Variants in CFAP36 observed in about 807,000 individuals in gnomAD.
CFAP36 encodes cilia- and flagella-associated protein 36.
CFAP36 carries 37 observed loss-of-function variants against 50.5 expected under a neutral mutation model. That is an observed-to-expected ratio of 0.73 (90% CI 0.56 to 0.96). The LOEUF (loss-of-function observed/expected upper bound fraction) is 0.96, where lower values mean the gene tolerates loss of function less well. Among genes scored for constraint, CFAP36 ranks in the 50% least tolerant of loss-of-function variants. The probability of loss-of-function intolerance (pLI) is 0.00; values close to 1 mark genes in which losing one functional copy is unlikely to be tolerated. For synonymous variants in CFAP36, 138 were observed against 128.2 expected (o/e 1.08, Z -0.52); for missense variants, 407 against 396.2 (o/e 1.03, Z -0.23).
At chr2:55,537,684 TGGGA>T in intron 7 of CFAP36, 99 bp downstream of exon 7, 1 of 780,342 alleles carries the variant, frequency 1.3e-6, no homozygotes, top group Non-Finnish European at 2.0e-6. Context: ...TCAAAAGCCC[TGGGA>T]GGGAGTATTG....
intron 3 of CFAP36, among the ~76,000 whole-genome samples, chr2:55,524,880 C>G (rs1321938256): frequency 6.6e-6 from 1 of 151,862 alleles, no homozygotes; most frequent in Non-Finnish European, 1.5e-5. Flanking sequence ...ACTTGGGAGG[C>G]TGAGGCAGGA....
At chr2:55,538,906 T>G in intron 7 of CFAP36, 1 of 1,456,818 alleles carries the variant, frequency 6.9e-7, no homozygotes, top group Non-Finnish European at 9.1e-7. Context: ...ATTAGTGTGA[T>G]GTTTACCCAT....
intron 2 of CFAP36, among the ~76,000 whole-genome samples, 172 bp downstream of exon 2, chr2:55,522,338 A>C (rs777482138): frequency 6.6e-6 from 1 of 152,120 alleles, no homozygotes; most frequent in Admixed American, 6.5e-5. Flanking sequence ...TGAATATCTC[A>C]TTTGGATGAC....
At chr2:55,543,674 A>G (rs1445956272) in intron 7 of CFAP36, among the ~76,000 whole-genome samples, 1 of 152,160 alleles carries the variant, frequency 6.6e-6, no homozygotes, top group African/African-American at 2.4e-5. Flanking sequence ...TTTTGTAGCT[A>G]TAGTACTGTA....
intron 4 of CFAP36, among the ~76,000 whole-genome samples, chr2:55,533,035 T>C (rs1684390497): frequency 6.6e-6 from 1 of 152,176 alleles, no homozygotes; most frequent in African/African-American, 2.4e-5. Context: ...CATCTTTGTA[T>C]CCCCCCAAAG....
chr2:55,542,422 GT>G lies in CFAP36; in HGVS notation c.641-1514del, dbSNP rs1444991430. On this transcript the variant is annotated intron_variant, in intron 7 of 9. Transcript: ENST00000349456. The stretch of plus-strand genomic sequence containing the variant: ...GACCTGAGTTTGGAAGAATCATGAA[GT>G]TGTTTGAGCTTCTGCTTTGTCCTTT... Among the ~76,000 whole-genome samples the G allele has an allele frequency of 2.0e-5, 3 of 152,174 alleles. No individual in the cohort carries two copies. In the South Asian group the frequency reaches 6.2e-4, roughly 32 times the overall value.
intron 6 of CFAP36, 108 bp downstream of exon 6, chr2:55,535,871 T>G: frequency 7.0e-7 from 1 of 1,432,942 alleles, no homozygotes; most frequent in Non-Finnish European, 9.3e-7. Flanking sequence ...TACATAATTT[T>G]AAGTACAATG....
chr2:55,524,974 T>G (rs1684167064), intron 3 of CFAP36, among the ~76,000 whole-genome samples: 1 of 147,504 alleles, frequency 6.8e-6, no homozygotes, highest in Admixed American at 6.7e-5. Flanking sequence ...AGAACAAAAC[T>G]GTCTAAAAAA....
chr2:55,525,985 GGA>G (rs1228186184), intron 3 of CFAP36, among the ~76,000 whole-genome samples: 2 of 152,120 alleles, frequency 1.3e-5, no homozygotes, highest in Non-Finnish European at 2.9e-5. Flanking sequence ...CCCTTAACCT[GGA>G]ATGTATGGTC....
chr2:55,523,105 A>AG (rs1684114744), intron 2 of CFAP36, among the ~76,000 whole-genome samples: 1 of 150,188 alleles, frequency 6.7e-6, no homozygotes, highest in Non-Finnish European at 1.5e-5. Flanking sequence ...CTCAAAAAAA[A>AG]AAAAAAGAAA....
rs751525045 is a variant in CFAP36, at chr2:55,528,974, A to G, written c.379A>G (p.Ile127Val). ...TGAAATGCAGCTGCAAGCCATTCGAATAATTCAAGAGAGAAATGGTAAAAT... is the reference window on the plus strand; with the variant it reads ...TGAAATGCAGCTGCAAGCCATTCGAGTAATTCAAGAGAGAAATGGTAAAAT... ...NIEMQLQAIR[I>V]IQERNGVLPD... The change falls in exon 4 of 10, where the codon ATA becomes GTA. Residue 127 changes from isoleucine (I) to valine (V), a missense_variant. By Grantham distance (29) the Ile-to-Val change is conservative. Transcript: ENST00000349456. The G allele has an allele frequency of 3.1e-6, 5 of 1,606,614 alleles. No homozygotes were observed. In the Admixed American group the frequency reaches 5.1e-5, roughly 16 times the overall value.
At chr2:55,529,393 G>A (rs904141416) in intron 4 of CFAP36, among the ~76,000 whole-genome samples, 1 of 151,522 alleles carries the variant, frequency 6.6e-6, no homozygotes, top group African/African-American at 2.4e-5. Context: ...CTGCACTCCA[G>A]CCTGGGTGAC....
In CFAP36 at chr2:55,544,331, A is replaced by C. The variant is rs755086122; in HGVS notation, c.889A>C (p.Asn297His). ...GGATATGAGGACTAAACAGATACAA[A>C]ATATGGAGCAGAAAGGAAAACCCAC... ...RKDMRTKQIQNMEQKGKPTGE... is the reference protein window; with the variant it reads ...RKDMRTKQIQHMEQKGKPTGE... Residue 297 changes from asparagine (N) to histidine (H), a missense_variant, in exon 9 of 10, where the codon AAT (asparagine) becomes CAT (histidine). By Grantham distance (68) the Asn-to-His change is moderately conservative. Coordinates refer to ENST00000349456, the MANE Select transcript of CFAP36 (RefSeq NM_080667.7). The C allele has an allele frequency of 1.9e-6, 3 of 1,613,786 alleles. No homozygotes were observed. In the Admixed American group the frequency reaches 5.0e-5, roughly 27 times the overall value.
chr2:55,544,655 T>G (rs1684725787), intron 9 of CFAP36, among the ~76,000 whole-genome samples: 1 of 152,178 alleles, frequency 6.6e-6, no homozygotes. Flanking sequence ...ACCTGGGCAT[T>G]CTGAAATGTT....
intron 3 of CFAP36, 33 bp downstream of exon 3, chr2:55,523,855 G>A: frequency 1.4e-6 from 2 of 1,391,524 alleles, no homozygotes; most frequent in South Asian, 2.7e-5. Flanking sequence ...CTAACATACA[G>A]TTTTAACAAA....
At chr2:55,532,289 T>C (rs1465665256) in intron 4 of CFAP36, among the ~76,000 whole-genome samples, 2 of 152,158 alleles carry the variant, frequency 1.3e-5, no homozygotes, top group African/African-American at 2.4e-5. Context: ...ATGTTGATTA[T>C]ACTCAAAACT....
At chr2:55,534,854 G>A (rs1042092989) in intron 5 of CFAP36, among the ~76,000 whole-genome samples, 2 of 152,184 alleles carry the variant, frequency 1.3e-5, no homozygotes, top group Non-Finnish European at 2.9e-5. Flanking sequence ...GGAAACTATG[G>A]CAGGAGCTCC....
intron 1 of CFAP36, among the ~76,000 whole-genome samples, chr2:55,521,593 A>ATGTG (rs72277001): frequency 0.048 from 7,111 of 147,430 alleles, 245 homozygotes; most frequent in Admixed American, 0.12. Flanking sequence ...TTAATAGTAT[A>ATGTG]TATGTGTGTG....
At chr2:55,520,264 CTGTT>C in intron 1 of CFAP36, 1 of 722,334 alleles carries the variant, frequency 1.4e-6, no homozygotes, top group Non-Finnish European at 2.2e-6. Flanking sequence ...GGCAGGTGGA[CTGTT>C]TGGCTGGGCT....
Sources: gnomAD v4.1 joint callset for allele counts (sites outside exome capture counted in the v4.1 genomes callset) on GRCh38, gnomAD v4.1.1 for gene constraint, MANE v1.5 for transcripts, NCBI Gene and HGNC (gene_info 2026-07-23, HGNC 2026-07-21) for gene names.